NT5C2: variants seen among roughly 807,000 people sequenced by gnomAD.
NT5C2 encodes the protein cytosolic purine 5'-nucleotidase.
NT5C2 carries 58 observed loss-of-function variants against 76.1 expected under a neutral mutation model. That is an observed-to-expected ratio of 0.76 (90% confidence interval 0.62 to 0.95). The LOEUF is 0.95. Among genes scored for constraint, NT5C2 ranks in the 40% least tolerant of loss-of-function variants. The pLI, the probability that NT5C2 is intolerant of heterozygous loss-of-function variation, is 0.00. For missense variants in NT5C2, 478 were observed against 690.3 expected, an observed-to-expected ratio of 0.69 and a Z score of 3.45; for synonymous variants, 229 against 237.4, an observed-to-expected ratio of 0.96 and a Z score of 0.32.
chr10:103,094,274 T>C (rs999974215), intron 13 of NT5C2, 74 bp downstream of exon 13: 29 of 1,017,572 alleles, frequency 2.8e-5, no homozygotes, highest in Non-Finnish European at 4.1e-5. Flanking sequence ...TGTTTCCTTA[T>C]GTAGAGTAAG....
At chr10:103,132,095 C>T (rs1230506112) in intron 4 of NT5C2, among the ~76,000 whole-genome samples, 2 of 151,774 alleles carry the variant, frequency 1.3e-5, no homozygotes, top group African/African-American at 4.8e-5. Flanking sequence ...AAGAAATTAG[C>T]TGGGTGTGGT....
In NT5C2 at chr10:103,114,002, G is replaced by A. The variant is rs537786722; in HGVS notation, c.176-7296C>T. 1.2e-4 allele frequency among the ~76,000 whole-genome samples: 18 copies of A among 152,340 alleles called. 1 individual carries two copies. The South Asian group carries it at 3.7e-3, about 32-fold the overall frequency. ...TACATGAGGGTGCACATCTTGTCTA[G>A]AGGAGGAAGTGGCTACTCAAGTGTA... On this transcript the variant is annotated intron_variant, in intron 4 of 18. Coordinates refer to ENST00000404739, the MANE Select transcript of NT5C2 (RefSeq NM_001351169.2).
At chr10:103,174,763 T>C (rs185129461) in intron 3 of NT5C2, 95 bp downstream of exon 3, 223 of 853,824 alleles carry the variant, frequency 2.6e-4, no homozygotes, top group Admixed American at 1.4e-3. Context: ...ATCTGGGTTA[T>C]TTACTTAACC....
chr10:103,090,314 C>T (rs1000945057), intron 18 of NT5C2: 2 of 365,676 alleles, frequency 5.5e-6, no homozygotes, highest in Admixed American at 8.5e-5. Context: ...ACTTCCTGGG[C>T]TCAATCAATC....
At chr10:103,135,227 T>A (rs2078954771) in intron 4 of NT5C2, among the ~76,000 whole-genome samples, 1 of 152,164 alleles carries the variant, frequency 6.6e-6, no homozygotes, top group Non-Finnish European at 1.5e-5. Flanking sequence ...TTTGGCTGTG[T>A]CCCCACCCAA....
intron 4 of NT5C2, among the ~76,000 whole-genome samples, chr10:103,134,312 C>G (rs956437091): frequency 1.3e-5 from 2 of 152,276 alleles, no homozygotes; most frequent in South Asian, 2.1e-4. Context: ...CAGGCCCAGG[C>G]TCCCCATGCT....
intron 3 of NT5C2, among the ~76,000 whole-genome samples, chr10:103,163,430 T>C (rs1328009986): frequency 6.6e-6 from 1 of 152,198 alleles, no homozygotes; most frequent in Non-Finnish European, 1.5e-5. Context: ...TCCACATCCT[T>C]GGCAACACTT....
intron 3 of NT5C2, among the ~76,000 whole-genome samples, chr10:103,159,793 T>C (rs1334490333): frequency 2.0e-5 from 3 of 152,170 alleles, no homozygotes; most frequent in Non-Finnish European, 4.4e-5. Flanking sequence ...CCCATACTCA[T>C]GGATCAAAAC....
At chr10:103,180,767 T>A (rs537606171) in intron 2 of NT5C2, among the ~76,000 whole-genome samples, 1 of 151,948 alleles carries the variant, frequency 6.6e-6, no homozygotes, top group Non-Finnish European at 1.5e-5. Flanking sequence ...AGCTTTGTAA[T>A]GGCCAGAAAC....
chr10:103,089,761 G>T lies in NT5C2; in HGVS notation c.1597C>A (p.Pro533Thr). 2 of 1,614,060 alleles carry T rather than the reference G, an allele frequency of 1.2e-6. No homozygotes were observed. Among genetic ancestry groups the T allele is most frequent in the Non-Finnish European group, 1.7e-6 (2 of 1,180,002 alleles). Residue 533 changes from proline to threonine, a missense_variant, in exon 19 of 19, where the codon CCT (proline) becomes ACT (threonine). Physicochemically the swap from Pro to Thr is conservative, Grantham distance 38 (BLOSUM62 -1). Transcript: ENST00000404739. ...QLTRSISEIK[P>T]PNLFPLAPQE... ...GGGGCCAGTGGGAAGAGGTTGGGAGGTTTAATCTCACTAATTGACCGTGTC... is the reference window on the plus strand; with the variant it reads ...GGGGCCAGTGGGAAGAGGTTGGGAGTTTTAATCTCACTAATTGACCGTGTC...
intron 3 of NT5C2, among the ~76,000 whole-genome samples, chr10:103,156,755 C>CA (rs61148858): frequency 0.32 from 44,389 of 138,472 alleles, 6,759 homozygotes; most frequent in Middle Eastern, 0.41. Context: ...AACTCTATCT[C>CA]AAAAAAAAAA....
chr10:103,178,229 C>T (rs2090376560), intron 2 of NT5C2, among the ~76,000 whole-genome samples: 1 of 152,124 alleles, frequency 6.6e-6, no homozygotes, highest in Non-Finnish European at 1.5e-5. Flanking sequence ...GATCATAGAC[C>T]TAAACGTAAT....
At chr10:103,097,470 G>A in intron 10 of NT5C2, 96 bp from the exon 11 acceptor site, 1 of 1,011,972 alleles carries the variant, frequency 9.9e-7, no homozygotes, top group Non-Finnish European at 1.5e-6. Flanking sequence ...CAACAGGAAT[G>A]GGGGAACCTT....
intron 3 of NT5C2, chr10:103,146,165 G>T: frequency 1.0e-6 from 1 of 985,348 alleles, no homozygotes; most frequent in Non-Finnish European, 1.2e-6. Flanking sequence ...AGTTTAACCT[G>T]AATCAGGCCC....
intron 4 of NT5C2, among the ~76,000 whole-genome samples, chr10:103,123,245 C>T (rs2076033450): frequency 6.6e-6 from 1 of 152,176 alleles, no homozygotes; most frequent in South Asian, 2.1e-4. Context: ...CCCTCTGCTT[C>T]CCAAGTAGCT....
In NT5C2 at chr10:103,089,858, C is replaced by T. The variant is rs2066236647; in HGVS notation, c.1500G>A (p.Met500Ile). 1.2e-6 allele frequency: 2 copies of T among 1,613,870 alleles called. No individual in the cohort carries two copies. The highest frequency in any genetic ancestry group is 1.7e-6 in the Non-Finnish European group (2 of 1,179,916). ...GGTTCCGGGTGGCAAGAGGAGACTC[C>T]ATCTCATTGATATCTACGTGTGTGT... Reference protein sequence around the residue: ...VEHTHVDINEMESPLATRNRT... With the variant: ...VEHTHVDINEIESPLATRNRT... The change falls in exon 19 of 19, where the codon ATG (methionine) becomes ATA (isoleucine). Residue 500 changes from methionine to isoleucine, a missense_variant. By Grantham distance (10) the Met-to-Ile change is conservative. Coordinates refer to ENST00000404739, the MANE Select transcript of NT5C2 (RefSeq NM_001351169.2).
chr10:103,168,319 A>T (rs2086917717), intron 3 of NT5C2, among the ~76,000 whole-genome samples: 1 of 152,218 alleles, frequency 6.6e-6, no homozygotes, highest in Non-Finnish European at 1.5e-5. Flanking sequence ...AAGCCAATTC[A>T]TTGTCCTACA....
At chr10:103,169,301 T>C (rs1177831099) in intron 3 of NT5C2, 1 of 152,240 alleles carries the variant, frequency 6.6e-6, no homozygotes, top group Admixed American at 6.5e-5. Context: ...AATGTTTTTA[T>C]TGTTCTAAAA....
intron 4 of NT5C2, among the ~76,000 whole-genome samples, chr10:103,128,073 C>A (rs1265854691): frequency 3.4e-4 from 48 of 141,834 alleles, no homozygotes; most frequent in Non-Finnish European, 6.3e-4. Flanking sequence ...CTCTCCCTCT[C>A]CCTCTCCCTC....
Sources: allele counts gnomAD v4.1 joint callset (sites outside exome capture counted in the v4.1 genomes callset), GRCh38; gene constraint gnomAD v4.1.1; transcripts MANE v1.5; gene names NCBI Gene and HGNC (gene_info 2026-07-23, HGNC 2026-07-21).